DPP6: variants seen among roughly 807,000 people sequenced by gnomAD.
DPP6 encodes dipeptidyl peptidase like 6, also known as A-type potassium channel modulatory protein DPP6.
In DPP6, 69 loss-of-function variants were observed where a neutral mutation model predicts 122.6. The ratio of observed to expected loss-of-function variants is 0.56; its 90% confidence interval spans 0.46 to 0.69. The LOEUF (loss-of-function observed/expected upper bound fraction) is 0.69. Among genes scored for constraint, DPP6 ranks in the 30% least tolerant of loss-of-function variants. The pLI, the probability that DPP6 is intolerant of heterozygous loss-of-function variation, is 0.00. For missense variants in DPP6, 928 were observed against 1,116.9 expected (o/e 0.83, Z 2.41); for synonymous variants, 418 against 433.1 (o/e 0.97, Z 0.43).
intron 1 of DPP6, among the ~76,000 whole-genome samples, chr7:154,402,822 T>C (rs1200984583): frequency 6.6e-6 from 1 of 151,092 alleles, no homozygotes; most frequent in Non-Finnish European, 1.5e-5. Flanking sequence ...AAAGACAGAC[T>C]CAGTGATAGT....
At chr7:154,042,621 T>C (rs554048365) in intron 1 of DPP6, among the ~76,000 whole-genome samples, 3 of 152,304 alleles carry the variant, frequency 2.0e-5, no homozygotes, top group Non-Finnish European at 4.4e-5. Context: ...AGGGAAATGA[T>C]AAGGTGACAT....
At chr7:154,502,477 C>T (rs781691948) in intron 3 of DPP6, among the ~76,000 whole-genome samples, 2 of 152,054 alleles carry the variant, frequency 1.3e-5, no homozygotes, top group Non-Finnish European at 2.9e-5. Context: ...CTGCGCTGTT[C>T]TAGTGATAGC....
intron 1 of DPP6, among the ~76,000 whole-genome samples, chr7:154,271,293 C>G (rs1248051746): frequency 6.6e-6 from 1 of 152,176 alleles, no homozygotes; most frequent in East Asian, 1.9e-4. Flanking sequence ...TCTGGGGTAG[C>G]AAACTCAGAG....
chr7:154,799,589 A>AGG (rs1554471363), intron 12 of DPP6, among the ~76,000 whole-genome samples: 1 of 152,196 alleles, frequency 6.6e-6, no homozygotes, highest in Non-Finnish European at 1.5e-5. Flanking sequence ...TTGGGCTGGA[A>AGG]GGGGGGTTGG....
intron 3 of DPP6, among the ~76,000 whole-genome samples, chr7:154,514,244 C>T (rs1563787789): frequency 6.6e-6 from 1 of 152,030 alleles, no homozygotes; most frequent in African/African-American, 2.4e-5. Flanking sequence ...CCACTGCACT[C>T]CAGTCTGGCC....
intron 1 of DPP6, among the ~76,000 whole-genome samples, chr7:153,952,207 C>T (rs1802251406): frequency 6.6e-6 from 1 of 152,214 alleles, no homozygotes; most frequent in South Asian, 2.1e-4. Flanking sequence ...AGTGTTTTAA[C>T]ACTTAGTATA....
chr7:154,076,163 A>G (rs1192257311), intron 1 of DPP6, among the ~76,000 whole-genome samples: 1 of 152,078 alleles, frequency 6.6e-6, no homozygotes, highest in East Asian at 1.9e-4. Context: ...TTTTTTTAAA[A>G]AAAAGGCTGG....
At chr7:153,856,483 A>G in the DPP6 span, among the ~76,000 whole-genome samples, 1 of 152,170 alleles carries the variant, frequency 6.6e-6, no homozygotes, top group African/African-American at 2.4e-5. Flanking sequence ...ACTTTTATTT[A>G]ATTCATAATA....
intron 4 of DPP6, among the ~76,000 whole-genome samples, chr7:154,562,738 A>G (rs116450011): frequency 0.01 from 1,573 of 152,340 alleles, 26 homozygotes; most frequent in African/African-American, 0.034. Flanking sequence ...ACATGTATCA[A>G]TGCTACAGAA....
At chr7:154,431,401 C>T (rs117883775) in intron 1 of DPP6, among the ~76,000 whole-genome samples, 1,854 of 138,588 alleles carry the variant, frequency 0.013, 17 homozygotes, top group Non-Finnish European at 0.02. Context: ...CTCAGATAGC[C>T]GCTGTCGTCA....
At chr7:154,475,184 G>C in intron 3 of DPP6, 147 bp downstream of exon 3, 1 of 691,718 alleles carries the variant, frequency 1.4e-6, no homozygotes, top group Non-Finnish European at 2.7e-6. Context: ...GTCATCATCA[G>C]ATTATCATTC....
chr7:154,797,835 G>A (rs975688233), intron 12 of DPP6, among the ~76,000 whole-genome samples: 3 of 152,204 alleles, frequency 2.0e-5, no homozygotes, highest in African/African-American at 7.2e-5. Flanking sequence ...ATAAGCTAGA[G>A]CATGAGCTCT....
chr7:154,189,732 A>C (rs1466554710), intron 1 of DPP6, among the ~76,000 whole-genome samples: 1 of 152,164 alleles, frequency 6.6e-6, no homozygotes, highest in African/African-American at 2.4e-5. Context: ...CTATCTTTGT[A>C]TTTGAATCTC....
intron 1 of DPP6, among the ~76,000 whole-genome samples, chr7:153,991,107 C>G (rs1304055903): frequency 6.6e-6 from 1 of 152,028 alleles, no homozygotes; most frequent in South Asian, 2.1e-4. Context: ...TCCCTTATGC[C>G]GTAAAGGCCA....
the DPP6 span, among the ~76,000 whole-genome samples, chr7:153,850,734 G>T: frequency 0.19 from 28,538 of 151,898 alleles, 2,752 homozygotes; most frequent in South Asian, 0.25. Context: ...GGAACTCCCA[G>T]TTATAATAAA....
the DPP6 span, among the ~76,000 whole-genome samples, chr7:153,857,362 G>GTCTCTCTCTCTCTCTCTCTCTCTC: frequency 3.2e-5 from 1 of 31,244 alleles, no homozygotes; most frequent in Non-Finnish European, 7.1e-5. Flanking sequence ...CTCTCTCTCA[G>GTCTCTCTCTCTCTCTCTCTCTCTC]CATGTGTATA....
At chr7:154,786,067 T>C (rs1797315634) in intron 10 of DPP6, among the ~76,000 whole-genome samples, 1 of 152,200 alleles carries the variant, frequency 6.6e-6, no homozygotes, top group African/African-American at 2.4e-5. Flanking sequence ...CAGTGCTCCC[T>C]CATGTTGGGG....
chr7:154,743,448 T>C (rs977440180), intron 8 of DPP6, among the ~76,000 whole-genome samples: 33 of 152,288 alleles, frequency 2.2e-4, no homozygotes, highest in African/African-American at 4.3e-4. Context: ...AAGCACATAA[T>C]GCTTAGTCAT....
At chr7:154,249,481 C>A (rs1023347455) in intron 1 of DPP6, among the ~76,000 whole-genome samples, 1 of 152,284 alleles carries the variant, frequency 6.6e-6, no homozygotes, top group Admixed American at 6.5e-5. Context: ...GGTGTTCTGC[C>A]TTTCTCTCTA....
Sources: gnomAD v4.1 joint callset for allele counts (sites outside exome capture counted in the v4.1 genomes callset) on GRCh38, gnomAD v4.1.1 for gene constraint, MANE v1.5 for transcripts, NCBI Gene and HGNC (gene_info 2026-07-23, HGNC 2026-07-21) for gene names.